Variants in SUSD2 observed in about 807,000 individuals in gnomAD.
SUSD2 encodes sushi domain containing 2.
A neutral mutation model predicts 93.8 loss-of-function variants in SUSD2; 86 were observed. That is an observed-to-expected ratio of 0.92 (90% confidence interval 0.77 to 1.10). The LOEUF is 1.10. Ranked by LOEUF, SUSD2 falls within the 50% of genes least tolerant of loss-of-function variation. SUSD2 has a pLI of 0.00. For synonymous variants in SUSD2, 483 were observed against 485.0 expected (o/e 1.00, Z 0.05); for missense variants, 1,060 against 1,137.0 (o/e 0.93, Z 0.97).
Position 24,187,990 on chromosome 22 carries a change from C to G in SUSD2, c.2196C>G (p.Pro732=). The G allele has an allele frequency of 6.2e-7, 1 of 1,612,934 alleles. No individual in the cohort carries two copies. Residue 732 remains proline (P), a synonymous_variant, in exon 13 of 15, where the codon CCC becomes CCG. Coordinates refer to ENST00000358321, the MANE Select transcript of SUSD2 (RefSeq NM_019601.4). Reference sequence around the variant, plus strand: ...CCTGTGGCTGGCTGGCCCCACCTCCCAACGGACAAAAGGAGGGCAACAGGT... The same window carrying G: ...CCTGTGGCTGGCTGGCCCCACCTCCGAACGGACAAAAGGAGGGCAACAGGT... The part of the protein sequence containing the change: ...VVSCGWLAPP[P]NGQKEGNRYL...
intron 6 of SUSD2, 85 bp from the exon 7 acceptor site, chr22:24,185,401 G>A: frequency 6.5e-7 from 1 of 1,536,974 alleles, no homozygotes; most frequent in Non-Finnish European, 8.8e-7. Context: ...TGGGGCTGGG[G>A]TCTCAGGACC....
intron 11 of SUSD2, 53 bp downstream of exon 11, chr22:24,187,503 TGGCACG>T: frequency 6.2e-7 from 1 of 1,605,596 alleles, no homozygotes; most frequent in South Asian, 1.1e-5. Flanking sequence ...ACTGGAAACA[TGGCACG>T]GGCAGGGCTT....
chr22:24,187,575 C>G lies in SUSD2; in HGVS notation c.1896C>G (p.Thr632=), dbSNP rs370138923. The part of the protein sequence containing the change: ...QELFLFGANW[T]VHNASSLLTY... ...CCCCGGTCATGTATCTTCCAGGGAC[C>G]GTGCACAATGCGTCCTCCCTGCTCA... Residue 632 remains threonine (T), a synonymous_variant, in exon 12 of 15, where the codon ACC becomes ACG. Transcript: ENST00000358321. 6.2e-7 allele frequency: 1 copy of G among 1,610,788 alleles called. No homozygotes were observed. Among genetic ancestry groups the G allele is most frequent in the South Asian group, 1.1e-5 (1 of 90,794 alleles).
chr22:24,187,546 C>G, intron 11 of SUSD2, 25 bp from the exon 12 acceptor site: 1 of 1,602,926 alleles, frequency 6.2e-7, no homozygotes, highest in Admixed American at 1.7e-5. Flanking sequence ...CATGCCCAGC[C>G]AGGCCCCGGT....
At position 24,187,216 on chromosome 22, in the gene SUSD2, G is replaced by A. The variant is rs779254052; in HGVS notation, c.1657G>A (p.Val553Met). 17 of 1,613,050 alleles carry A rather than the reference G, an allele frequency of 1.1e-5. No homozygotes were observed. The South Asian group carries it at 1.8e-4, about 17-fold the overall frequency. Residue 553 changes from valine (V) to methionine (M), a missense_variant, in exon 11 of 15, where the codon GTG (valine) becomes ATG (methionine). This residue lies in a region of SUSD2 where 973 missense variants were observed against 1,005.3 expected (regional missense o/e 0.97). Transcript: ENST00000358321. ...WMDLKGMFLSVAAGDRVSIML... is the reference protein window; with the variant it reads ...WMDLKGMFLSMAAGDRVSIML... ...CTTGAGCCCAGGAATGTTCCTGTCGGTGGCTGCCGGGGACAGGGTCTCCAT... is the reference window on the plus strand; with the variant it reads ...CTTGAGCCCAGGAATGTTCCTGTCGATGGCTGCCGGGGACAGGGTCTCCAT...
At position 24,183,072 on chromosome 22, in the gene SUSD2, G is replaced by T; in HGVS notation, c.92G>T (p.Cys31Phe). ...TCTCCTCCAGATGCCCAAGAGAGCT[G>T]CTCCATGCGCTGTGGCGCCCTGGAC... ...PGPTADAQES[C>F]SMRCGALDGP... Residue 31 changes from cysteine to phenylalanine, a missense_variant, in exon 2 of 15, where the codon TGC (cysteine) becomes TTC (phenylalanine). Coordinates refer to ENST00000358321, the MANE Select transcript of SUSD2 (RefSeq NM_019601.4). 6.2e-7 allele frequency: 1 copy of T among 1,613,770 alleles called. No homozygotes were observed. Among genetic ancestry groups the T allele is most frequent in the Non-Finnish European group, 8.5e-7 (1 of 1,179,858 alleles).
chr22:24,184,687 G>A, intron 4 of SUSD2, 79 bp from the exon 5 acceptor site: 1 of 1,240,152 alleles, frequency 8.1e-7, no homozygotes. Context: ...CCACCCATCT[G>A]TCAGGCTGCT....
Position 24,185,610 on chromosome 22 carries a change from CA to C in SUSD2, c.1070+40del, listed in dbSNP as rs745682781. The C allele has an allele frequency of 1.2e-5, 20 of 1,604,762 alleles. No homozygotes were observed. The East Asian group carries it at 4.0e-4, about 32-fold the overall frequency. ...CTGGGGCCGGTATGGGGATTGGGGTCAGGGGTGGGCTCCCAACAGTGGCCTG... is the reference window on the plus strand; with the variant it reads ...CTGGGGCCGGTATGGGGATTGGGGTCGGGGTGGGCTCCCAACAGTGGCCTG... On this transcript the variant is annotated intron_variant, in intron 7 of 14. Transcript: ENST00000358321.
Position 24,185,651 on chromosome 22 carries a change from G to A in SUSD2, c.1071-10G>A, listed in dbSNP as rs375807453. 29 of 1,608,116 alleles carry A rather than the reference G, an allele frequency of 1.8e-5. No individual in the cohort carries two copies. The highest frequency in any genetic ancestry group is 2.4e-5 in the Non-Finnish European group (28 of 1,177,404). Reference sequence around the variant, plus strand: ...ACAGTGGCCTGGCCCTGACTCACTGGCTCCTGCAGCCTCCGGTACGGCTCA... The same window carrying A: ...ACAGTGGCCTGGCCCTGACTCACTGACTCCTGCAGCCTCCGGTACGGCTCA... On this transcript the variant is annotated splice_polypyrimidine_tract_variant and intron_variant, in intron 7 of 14. Coordinates refer to ENST00000358321, the MANE Select transcript of SUSD2 (RefSeq NM_019601.4).
rs751731020 is a variant in SUSD2, at chr22:24,186,286, G to T, written c.1513G>T (p.Ala505Ser). 4 of 1,613,602 alleles carry T rather than the reference G, an allele frequency of 2.5e-6. No homozygotes were observed. Reference sequence around the variant, plus strand: ...GGAGACCCGTGGCACTGGGCTGACCGCAGTGGCCGTCCAGGAGGGCAACTC... The same window carrying T: ...GGAGACCCGTGGCACTGGGCTGACCTCAGTGGCCGTCCAGGAGGGCAACTC... ...GTETRGTGLTAVAVQEGNSDV... is the reference protein window; with the variant it reads ...GTETRGTGLTSVAVQEGNSDV... Residue 505 changes from alanine to serine, a missense_variant, in exon 10 of 15, where the codon GCA (alanine) becomes TCA (serine). This residue lies in a region of SUSD2 where 973 missense variants were observed against 1,005.3 expected (regional missense o/e 0.97). Transcript: ENST00000358321.
In SUSD2 at chr22:24,186,038, C is replaced by G; in HGVS notation, c.1362C>G (p.His454Gln). The G allele has an allele frequency of 1.2e-6, 2 of 1,611,666 alleles. No individual in the cohort carries two copies. Among genetic ancestry groups the G allele is most frequent in the Non-Finnish European group, 1.7e-6 (2 of 1,178,958 alleles). ...PRLASAFGDP[H>Q]FVTFDGTNFT... is the part of the protein sequence containing the mutation. ...TAGCCTCCGCCTTCGGAGACCCACA[C>G]TTTGTGACCTTCGACGGCACCAACT... is the stretch of plus-strand genomic sequence containing the variant. Residue 454 changes from histidine (H) to glutamine (Q), a missense_variant, in exon 9 of 15, where the codon CAC (histidine) becomes CAG (glutamine). Physicochemically the swap from His to Gln is conservative, Grantham distance 24. Coordinates refer to ENST00000358321, the MANE Select transcript of SUSD2 (RefSeq NM_019601.4).
Position 24,185,500 on chromosome 22 carries a change from T to G in SUSD2, c.999T>G (p.Cys333Trp). 1 of 1,567,928 alleles carries G rather than the reference T, an allele frequency of 6.4e-7. No homozygotes were observed. Residue 333 changes from cysteine to tryptophan, a missense_variant, in exon 7 of 15, where the codon TGT becomes TGG. Cys to Trp is a radical substitution (Grantham distance 215). Coordinates refer to ENST00000358321, the MANE Select transcript of SUSD2 (RefSeq NM_019601.4). Reference protein sequence around the residue: ...DSGRFFTDYGCDMEQGSVCTY... With the variant: ...DSGRFFTDYGWDMEQGSVCTY... ...CTGCTCTGCAGACGGACTACGGCTG[T>G]GACATGGAGCAGGGCAGCGTGTGCA...
In SUSD2 at chr22:24,183,550, T is replaced by C. The variant is rs1366002572; in HGVS notation, c.343T>C (p.Cys115Arg). Residue 115 changes from cysteine to arginine, a missense_variant, in exon 3 of 15, where the codon TGT (cysteine) becomes CGT (arginine). By Grantham distance (180) the Cys-to-Arg change is radical. Transcript: ENST00000358321. ...GHVDSSGQVH[C>R]VSPLLYESGR... ...TGTGGACTCCTCCGGGCAAGTGCACTGTGTGTCACCTCTGCTCTATGAGAG... is the reference window on the plus strand; with the variant it reads ...TGTGGACTCCTCCGGGCAAGTGCACCGTGTGTCACCTCTGCTCTATGAGAG... 1.9e-6 allele frequency: 3 copies of C among 1,613,442 alleles called. No homozygotes were observed. The highest frequency in any genetic ancestry group is 2.5e-6 in the Non-Finnish European group (3 of 1,179,986).
At position 24,187,823 on chromosome 22, in the gene SUSD2, G is replaced by T. The variant is rs140973012; in HGVS notation, c.2144G>T (p.Arg715Leu). The change falls in exon 12 of 15, where the codon CGC (arginine) becomes CTC (leucine). Residue 715 changes from arginine to leucine, a missense_variant. Physicochemically the swap from Arg to Leu is moderately radical, Grantham distance 102. Transcript: ENST00000358321. Reference sequence around the variant, plus strand: ...GTGGCCCACCAGCTGCACCAGCGTCGCATGCAGAGCCTGCAGCCAGGTGAG... The same window carrying T: ...GTGGCCCACCAGCTGCACCAGCGTCTCATGCAGAGCCTGCAGCCAGGTGAG... ...TRVAHQLHQR[R>L]MQSLQPVVSC... is the part of the protein sequence containing the mutation. 1.9e-5 allele frequency: 30 copies of T among 1,612,100 alleles called. No individual in the cohort carries two copies. The highest frequency in any genetic ancestry group is 4.0e-5 in the African/African-American group (3 of 74,906).
chr22:24,181,949 C>G (rs775392414), intron 1 of SUSD2, among the ~76,000 whole-genome samples: 13 of 152,190 alleles, frequency 8.5e-5, no homozygotes, highest in Non-Finnish European at 1.8e-4. Flanking sequence ...GGGAAAGCCC[C>G]GAACTCCAGA....
In SUSD2 at chr22:24,187,190, C is replaced by T. The variant is rs1034269964; in HGVS notation, c.1643-12C>T. On this transcript the variant is annotated splice_polypyrimidine_tract_variant and intron_variant, in intron 10 of 14. Coordinates refer to ENST00000358321, the MANE Select transcript of SUSD2 (RefSeq NM_019601.4). The stretch of plus-strand genomic sequence containing the variant: ...ACAGCGGGTGACCCTAATGCATCCC[C>T]CTTGAGCCCAGGAATGTTCCTGTCG... 1 of 1,610,272 alleles carries T rather than the reference C, an allele frequency of 6.2e-7. No homozygotes were observed. The highest frequency in any genetic ancestry group is 8.5e-7 in the Non-Finnish European group (1 of 1,179,616).
At chr22:24,182,888 C>A (rs915602465) in intron 1 of SUSD2, 169 bp from the exon 2 acceptor site, 1 of 606,746 alleles carries the variant, frequency 1.6e-6, no homozygotes, top group African/African-American at 1.8e-5. Flanking sequence ...TCCCCACGGG[C>A]CCTGTGGCTT....
In SUSD2 at chr22:24,184,322, T is replaced by C; in HGVS notation, c.607+19T>C. On this transcript the variant is annotated intron_variant, in intron 4 of 14. Coordinates refer to ENST00000358321, the MANE Select transcript of SUSD2 (RefSeq NM_019601.4). ...GAGACAGGTGAGGCCAGCTGAGGGC[T>C]GGGGTGGCATCAGAGCTTTGGGCCC... 1 of 1,610,554 alleles carries C rather than the reference T, an allele frequency of 6.2e-7. No homozygotes were observed. The highest frequency in any genetic ancestry group is 8.5e-7 in the Non-Finnish European group (1 of 1,178,284).
In SUSD2 at chr22:24,188,657, AC is replaced by A; in HGVS notation, c.*222del. 1.8e-6 allele frequency: 1 copy of A among 550,982 alleles called. No individual in the cohort carries two copies. Among genetic ancestry groups the A allele is most frequent in the African/African-American group, 1.9e-5 (1 of 52,912 alleles). The allele number at this position is 550,982 out of a possible 1,614,324, so 34.1% of individuals were successfully genotyped here. On this transcript the variant is annotated 3_prime_UTR_variant, in exon 15 of 15. Transcript: ENST00000358321. The surrounding 1 kb of genome is among the most constrained non-coding windows in gnomAD (Gnocchi z 4.7). ...GCTCCGTGCTCTTCCCCAAATACTC[AC>A]GGCTCTAATTCCCCAAACCTGAAAC... is the stretch of plus-strand genomic sequence containing the variant.
Sources: allele counts gnomAD v4.1 joint callset (sites outside exome capture counted in the v4.1 genomes callset), GRCh38; gene constraint gnomAD v4.1.1; regional missense constraint gnomAD v4.1.1; non-coding constraint Gnocchi (gnomAD v3.1); transcripts MANE v1.5; gene names NCBI Gene and HGNC (gene_info 2026-07-23, HGNC 2026-07-21).